The following SENP7 variants were observed in gnomAD, a reference collection of about 807,000 sequenced individuals.
SENP7 encodes SUMO specific peptidase 7, also known as sentrin-specific protease 7.
Under a neutral mutation model 141.2 loss-of-function variants are expected in SENP7, and 64 were observed. That is an observed-to-expected ratio of 0.45 (90% CI 0.37 to 0.56). The LOEUF is 0.56. Ranked by LOEUF, SENP7 falls within the 20% of genes least tolerant of loss-of-function variation. The probability of loss-of-function intolerance (pLI) is 0.00; values close to 1 mark genes in which losing one functional copy is unlikely to be tolerated. For missense variants in SENP7, 1,025 were observed against 1,212.2 expected, an observed-to-expected ratio of 0.85 and a Z score of 2.29; for synonymous variants, 382 against 426.4, an observed-to-expected ratio of 0.90 and a Z score of 1.28.
chr3:101,494,781 T>C (rs2065099368), intron 2 of SENP7, among the ~76,000 whole-genome samples: 1 of 152,054 alleles, frequency 6.6e-6, no homozygotes, highest in Admixed American at 6.6e-5. Flanking sequence ...TTATACCATA[T>C]ACAAAAATTA....
intron 1 of SENP7, among the ~76,000 whole-genome samples, chr3:101,507,061 A>G (rs1399512564): frequency 3.7e-5 from 2 of 54,052 alleles, no homozygotes; most frequent in African/African-American, 1.1e-4. Context: ...ATCCCATCTC[A>G]AAAAAAAAAA....
At chr3:101,370,740 A>G (rs913570522) in intron 7 of SENP7, among the ~76,000 whole-genome samples, 6 of 152,196 alleles carry the variant, frequency 3.9e-5, no homozygotes, top group Admixed American at 3.9e-4. Flanking sequence ...TTCATTATAC[A>G]CTGACAGTGA....
chr3:101,426,090 G>A (rs2061948736), intron 4 of SENP7, among the ~76,000 whole-genome samples: 1 of 152,174 alleles, frequency 6.6e-6, no homozygotes, highest in African/African-American at 2.4e-5. Context: ...ACATATTTCT[G>A]AATATCATCC....
intron 1 of SENP7, among the ~76,000 whole-genome samples, chr3:101,502,240 C>T (rs1173360896): frequency 6.6e-6 from 1 of 152,168 alleles, no homozygotes; most frequent in East Asian, 1.9e-4. Context: ...ACCAGGTCAG[C>T]GTATTACCCA....
At chr3:101,348,540 T>G (rs966726716) in intron 12 of SENP7, among the ~76,000 whole-genome samples, 3 of 152,174 alleles carry the variant, frequency 2.0e-5, no homozygotes, top group African/African-American at 7.2e-5. Flanking sequence ...AGATCACAAG[T>G]GCTATCATAG....
At chr3:101,342,848 TA>T (rs2059362612) in intron 14 of SENP7, among the ~76,000 whole-genome samples, 2 of 152,110 alleles carry the variant, frequency 1.3e-5, no homozygotes, top group South Asian at 4.1e-4. Flanking sequence ...GTATTTTTAG[TA>T]GAGACAGGAT....
intron 6 of SENP7, among the ~76,000 whole-genome samples, chr3:101,383,748 C>T (rs2060573395): frequency 6.6e-6 from 1 of 152,218 alleles, no homozygotes; most frequent in Non-Finnish European, 1.5e-5. Context: ...CTGAGGGCAG[C>T]TCAGTGTGGG....
Position 101,361,846 on chromosome 3 carries a change from A to G in SENP7, c.1492T>C (p.Cys498Arg). Residue 498 changes from cysteine to arginine, a missense_variant, in exon 11 of 24, where the codon TGC (cysteine) becomes CGC (arginine). Physicochemically the swap from Cys to Arg is radical, Grantham distance 180 (BLOSUM62 -3). Around this residue, in one of 4 missense-constraint regions of SENP7, gnomAD observed 228 missense variants for 228.5 expected, o/e 1.00. Transcript: ENST00000394095. The stretch of plus-strand genomic sequence containing the variant: ...TTCTCCATGACAGGATTATATGGGC[A>G]TAATTCAGATGACATCTAACAAGGA... ...CESVQMSSEL[C>R]PYNPVMENIS... is the part of the protein sequence containing the mutation. 1.2e-6 allele frequency: 2 copies of G among 1,602,544 alleles called. No individual in the cohort carries two copies. The highest frequency in any genetic ancestry group is 1.7e-6 in the Non-Finnish European group (2 of 1,176,516).
At chr3:101,465,103 T>C (rs1265492336) in intron 3 of SENP7, among the ~76,000 whole-genome samples, 1 of 151,868 alleles carries the variant, frequency 6.6e-6, no homozygotes, top group Non-Finnish European at 1.5e-5. Flanking sequence ...GGGAACAACC[T>C]ACCCACCTAC....
At chr3:101,409,799 G>A (rs994518411) in intron 5 of SENP7, among the ~76,000 whole-genome samples, 2 of 152,144 alleles carry the variant, frequency 1.3e-5, no homozygotes, top group African/African-American at 4.8e-5. Flanking sequence ...GATGGATTAA[G>A]GACTTAAATC....
chr3:101,420,685 C>T (rs748313568), intron 4 of SENP7, among the ~76,000 whole-genome samples: 20 of 152,100 alleles, frequency 1.3e-4, no homozygotes, highest in Non-Finnish European at 8.8e-5. Context: ...ATTATGTTAC[C>T]CCCTGATATG....
At chr3:101,468,864 C>A (rs2063864580) in intron 3 of SENP7, among the ~76,000 whole-genome samples, 1 of 152,100 alleles carries the variant, frequency 6.6e-6, no homozygotes, top group Admixed American at 6.5e-5. Context: ...ACAATATTAA[C>A]CTTAAATGTA....
At chr3:101,409,240 G>A (rs1206919424) in intron 5 of SENP7, among the ~76,000 whole-genome samples, 1 of 151,978 alleles carries the variant, frequency 6.6e-6, no homozygotes, top group Non-Finnish European at 1.5e-5. Context: ...AGAGTCAAAA[G>A]GCCTCTTCTA....
intron 4 of SENP7, among the ~76,000 whole-genome samples, chr3:101,434,618 A>C (rs982565303): frequency 2.6e-5 from 4 of 152,114 alleles, no homozygotes; most frequent in Admixed American, 6.5e-5. Context: ...AATTCAGAGG[A>C]TCATTAGTGG....
chr3:101,429,335 T>A (rs1471026651), intron 4 of SENP7, among the ~76,000 whole-genome samples: 1 of 152,174 alleles, frequency 6.6e-6, no homozygotes, highest in Non-Finnish European at 1.5e-5. Flanking sequence ...GCATGGAATG[T>A]TTTTCCATTT....
At chr3:101,471,924 G>A (rs1009981091) in intron 3 of SENP7, among the ~76,000 whole-genome samples, 2 of 152,228 alleles carry the variant, frequency 1.3e-5, no homozygotes, top group African/African-American at 2.4e-5. Context: ...CTGGTCATCA[G>A]AGAAATGCAA....
intron 5 of SENP7, among the ~76,000 whole-genome samples, chr3:101,409,195 A>G (rs2061387137): frequency 6.6e-6 from 1 of 152,192 alleles, no homozygotes; most frequent in Non-Finnish European, 1.5e-5. Flanking sequence ...CTGCCAAAAA[A>G]TAAAAATAAA....
rs946535533 is a variant in SENP7, at chr3:101,499,769, T to G, written c.90+1301A>C. 2.6e-5 allele frequency among the ~76,000 whole-genome samples: 4 copies of G among 151,910 alleles called. No homozygotes were observed. The East Asian group carries it at 7.7e-4, about 29-fold the overall frequency. On this transcript the variant is annotated intron_variant, in intron 2 of 23. Coordinates refer to ENST00000394095, the MANE Select transcript of SENP7 (RefSeq NM_020654.5). Reference sequence around the variant, plus strand: ...CCAGGATGGTCTCGATCTCCTGACCTCGTGATCTGCCCACCTCAGCCTCCC... The same window carrying G: ...CCAGGATGGTCTCGATCTCCTGACCGCGTGATCTGCCCACCTCAGCCTCCC...
chr3:101,330,378 G>T lies in SENP7; in HGVS notation c.2707C>A (p.Leu903Ile). Residue 903 changes from leucine (L) to isoleucine (I), a missense_variant, in exon 20 of 24, where the codon CTA (leucine) becomes ATA (isoleucine). Physicochemically the swap from Leu to Ile is conservative, Grantham distance 5. Transcript: ENST00000394095. ...AAAGACAGTGTCGAAGTAGTACGTA[G>T]ATCATTATCTAGTTAGAAATAATTA... Reference protein sequence around the residue: ...QNDNKTIDNDLRTTSTLSLSA... With the variant: ...QNDNKTIDNDIRTTSTLSLSA... 1 of 1,604,354 alleles carries T rather than the reference G, an allele frequency of 6.2e-7. No individual in the cohort carries two copies.
Sources: allele counts gnomAD v4.1 joint callset (sites outside exome capture counted in the v4.1 genomes callset), GRCh38; gene constraint gnomAD v4.1.1; regional missense constraint gnomAD v4.1.1; transcripts MANE v1.5; gene names NCBI Gene and HGNC (gene_info 2026-07-23, HGNC 2026-07-21).